The following CDKL4 variants were observed in gnomAD, a reference collection of about 807,000 sequenced individuals.
CDKL4 encodes cyclin dependent kinase like 4.
CDKL4 carries 44 observed loss-of-function variants against 42.0 expected under a neutral mutation model. That is an observed-to-expected ratio of 1.05 (90% CI 0.82 to 1.35). The LOEUF is 1.35. CDKL4 is among the 40% of genes most tolerant of loss of function. The pLI is 0.00. For missense variants in CDKL4, 393 were observed against 369.9 expected (o/e 1.06, Z -0.51); for synonymous variants, 120 against 121.6 (o/e 0.99, Z 0.09).
intron 5 of CDKL4, among the ~76,000 whole-genome samples, chr2:39,202,577 T>C (rs1020760157): frequency 8.5e-5 from 13 of 152,240 alleles, no homozygotes; most frequent in Non-Finnish European, 1.9e-4. Flanking sequence ...GCTTGTGCTT[T>C]TGGTGTCACA....
At chr2:39,205,047 G>T (rs1208466585) in intron 4 of CDKL4, among the ~76,000 whole-genome samples, 2 of 151,974 alleles carry the variant, frequency 1.3e-5, no homozygotes, top group African/African-American at 4.8e-5. Context: ...AGGCAAAGTG[G>T]CATGCACTTA....
chr2:39,172,320 G>GA (rs112274317), downstream of CDKL4, among the ~76,000 whole-genome samples: 4,481 of 132,068 alleles, frequency 0.034, 177 homozygotes, highest in African/African-American at 0.11. Flanking sequence ...TCCCCGCTCC[G>GA]AAAAAAAAAA....
At chr2:39,194,948 A>G (rs1445493993) in intron 5 of CDKL4, among the ~76,000 whole-genome samples, 1 of 152,138 alleles carries the variant, frequency 6.6e-6, no homozygotes, top group Non-Finnish European at 1.5e-5. Context: ...GAAACTCTGT[A>G]TCCTTTAAAC....
chr2:39,227,976 A>T (rs1389614505), intron 2 of CDKL4, among the ~76,000 whole-genome samples: 1 of 152,242 alleles, frequency 6.6e-6, no homozygotes, highest in South Asian at 2.1e-4. Flanking sequence ...GGAGCTGTTC[A>T]GGACCTACAT....
intron 4 of CDKL4, among the ~76,000 whole-genome samples, chr2:39,205,902 C>A (rs1452861833): frequency 6.6e-6 from 1 of 152,112 alleles, no homozygotes; most frequent in South Asian, 2.1e-4. Flanking sequence ...CGAAGCATTC[C>A]GCGCCAGGGG....
chr2:39,246,236 TAACA>T (rs1211436938), upstream of CDKL4, among the ~76,000 whole-genome samples: 1 of 152,212 alleles, frequency 6.6e-6, no homozygotes, highest in Non-Finnish European at 1.5e-5. Context: ...CTCCCATCTT[TAACA>T]AACAAAATCA....
intron 3 of CDKL4, among the ~76,000 whole-genome samples, chr2:39,219,264 A>G (rs1678153180): frequency 6.6e-6 from 1 of 152,190 alleles, no homozygotes; most frequent in Non-Finnish European, 1.5e-5. Context: ...GACATGGTAA[A>G]AGAAGTGGAT....
intron 3 of CDKL4, among the ~76,000 whole-genome samples, chr2:39,223,938 A>G (rs927108246): frequency 1.3e-5 from 2 of 152,188 alleles, no homozygotes; most frequent in South Asian, 4.1e-4. Context: ...TGTTCACTGG[A>G]AGGTAAGGTG....
chr2:39,230,352 C>T (rs1438175747), intron 1 of CDKL4, among the ~76,000 whole-genome samples: 1 of 152,198 alleles, frequency 6.6e-6, no homozygotes, highest in Non-Finnish European at 1.5e-5. Flanking sequence ...CTGAAAAACA[C>T]AAAACAATAA....
rs189470397 is a variant in CDKL4 at position 39,221,053 on chromosome 2, G to A, written c.290+4786C>T. 4.4e-3 allele frequency among the ~76,000 whole-genome samples: 543 copies of A among 124,592 alleles called. 6 individuals are homozygous for A. The highest frequency in any genetic ancestry group is 0.016 in the African/African-American group (504 of 31,968). The allele number at this position is 124,592 out of a possible 152,430, so 81.7% of individuals were successfully genotyped here. On this transcript the variant is annotated intron_variant, in intron 3 of 9. Transcript: ENST00000451199. ...TTTGAGACAGAGTCTCGCTCTTGTC[G>A]CCCAGGCTGGAGTGCAGTGGTGCCA... is the stretch of plus-strand genomic sequence containing the variant.
At chr2:39,212,533 G>A (rs764847360) in intron 4 of CDKL4, among the ~76,000 whole-genome samples, 40 of 150,698 alleles carry the variant, frequency 2.7e-4, no homozygotes, top group Non-Finnish European at 5.3e-4. Context: ...ATGCCCGGCC[G>A]GAAACGGTTT....
At chr2:39,243,452 G>A (rs1326082737) in intron 1 of CDKL4, among the ~76,000 whole-genome samples, 1 of 152,172 alleles carries the variant, frequency 6.6e-6, no homozygotes, top group Admixed American at 6.5e-5. Flanking sequence ...TACAAAATCC[G>A]ATAAAGTAAT....
At chr2:39,222,382 G>T (rs1171992346) in intron 3 of CDKL4, among the ~76,000 whole-genome samples, 1 of 152,130 alleles carries the variant, frequency 6.6e-6, no homozygotes, top group African/African-American at 2.4e-5. Context: ...CTGAGGTTAG[G>T]AGTTCGAGAG....
chr2:39,235,100 A>C (rs1318064962), intron 1 of CDKL4, among the ~76,000 whole-genome samples: 2 of 151,700 alleles, frequency 1.3e-5, no homozygotes, highest in East Asian at 3.9e-4. Flanking sequence ...CTGGTCTCAA[A>C]CTCCTGGGCT....
the CDKL4 span, among the ~76,000 whole-genome samples, chr2:39,168,336 C>T: frequency 6.6e-6 from 1 of 152,258 alleles, no homozygotes; most frequent in Middle Eastern, 3.4e-3. Flanking sequence ...GAGTAGTGTT[C>T]ATAACAGAAA....
chr2:39,212,898 G>T (rs1478635788), intron 4 of CDKL4, among the ~76,000 whole-genome samples: 1 of 151,732 alleles, frequency 6.6e-6, no homozygotes, highest in Admixed American at 6.6e-5. Flanking sequence ...TGAGCTCAAA[G>T]CCATCTGCCC....
chr2:39,194,120 G>A (rs1676365040), intron 5 of CDKL4, among the ~76,000 whole-genome samples: 1 of 152,124 alleles, frequency 6.6e-6, no homozygotes, highest in Non-Finnish European at 1.5e-5. Context: ...GTTCGAAATT[G>A]TGTTCCCACT....
chr2:39,185,429 TATGTATATATAC>T (rs1675761244), intron 7 of CDKL4, among the ~76,000 whole-genome samples: 1 of 15,638 alleles, frequency 6.4e-5, no homozygotes, highest in African/African-American at 1.1e-4. Flanking sequence ...TATATATACA[TATGTATATATAC>T]ATGTATATAT....
intron 2 of CDKL4, among the ~76,000 whole-genome samples, chr2:39,227,647 A>C (rs1678836623): frequency 6.6e-6 from 1 of 152,182 alleles, no homozygotes; most frequent in Non-Finnish European, 1.5e-5. Context: ...CAGAAAGGCA[A>C]AGAGTGGAAG....
Sources: allele counts gnomAD v4.1 joint callset (sites outside exome capture counted in the v4.1 genomes callset), GRCh38; gene constraint gnomAD v4.1.1; transcripts MANE v1.5; gene names NCBI Gene and HGNC (gene_info 2026-07-23, HGNC 2026-07-21).